Variants in MORC2 observed in about 807,000 individuals in gnomAD.
MORC2 encodes MORC family CW-type zinc finger 2, also known as ATPase MORC2.
In MORC2, 30 loss-of-function variants were observed where a neutral mutation model predicts 136.0. The ratio of observed to expected loss-of-function variants is 0.22; its 90% CI spans 0.17 to 0.30. MORC2 has a LOEUF of 0.30. Among genes scored for constraint, MORC2 ranks in the 10% least tolerant of loss-of-function variants. The pLI is 1.00. For synonymous variants in MORC2, 439 were observed against 487.0 expected (o/e 0.90, Z 1.30); for missense variants, 922 against 1,333.1 (o/e 0.69, Z 4.80).
intron 1 of MORC2, among the ~76,000 whole-genome samples, chr22:30,964,127 G>T (rs536359973): frequency 3.3e-5 from 5 of 152,296 alleles, no homozygotes; most frequent in Admixed American, 1.3e-4. Flanking sequence ...GGAGGCCGAG[G>T]CAGGCGGATG....
rs966797125 is a variant in MORC2, at chr22:30,925,710, A to G, written c.*1093T>C. The G allele has an allele frequency of 2.0e-5, 3 of 153,786 alleles. No individual in the cohort carries two copies. Among genetic ancestry groups the G allele is most frequent in the Non-Finnish European group, 4.4e-5 (3 of 68,062 alleles). 9.5% of individuals were successfully genotyped at this position (153,786 alleles called of 1,614,324 possible). A position where few individuals can be genotyped will look rare whatever the true frequency, so the allele number is the denominator to read the frequency against. On this transcript the variant is annotated 3_prime_UTR_variant, in exon 26 of 26. Transcript: ENST00000397641. ...ACCAGACTCTTCCAATGGCCATTAA[A>G]GAGAAAATTCAGCAACGCTTGCCTT...
chr22:30,936,736 A>G lies in MORC2; in HGVS notation c.1605-93T>C, dbSNP rs1283666108. On this transcript the variant is annotated intron_variant, in intron 16 of 25. Transcript: ENST00000397641. ...TCAGCCAGTCTACACTGTCTGTCACAAGAGCAACCACCTCAGAGTTCCCAA... is the reference window on the plus strand; with the variant it reads ...TCAGCCAGTCTACACTGTCTGTCACGAGAGCAACCACCTCAGAGTTCCCAA... The G allele has an allele frequency of 3.3e-6, 5 of 1,501,822 alleles. No homozygotes were observed. The Admixed American group carries it at 5.8e-5, about 17-fold the overall frequency. 93.0% of individuals were successfully genotyped at this position (1,501,822 alleles called of 1,614,324 possible).
chr22:30,929,625 G>T (rs144707059), intron 24 of MORC2, among the ~76,000 whole-genome samples: 1 of 152,132 alleles, frequency 6.6e-6, no homozygotes, highest in Non-Finnish European at 1.5e-5. Flanking sequence ...GCGGGTGCCT[G>T]TAGTCCCAGC....
Position 30,941,815 on chromosome 22 carries a change from CCT to C in MORC2, c.698+74_698+75del. 7.5e-7 allele frequency: 1 copy of C among 1,328,144 alleles called. No homozygotes were observed. The allele number at this position is 1,328,144 out of a possible 1,614,324, so 82.3% of individuals were successfully genotyped here. ...ACACTGGGCAATGAATGTGCTCTCCCCTCTTTCCCTGAAGCCATCTCCTGAGA... is the reference window on the plus strand; with the variant it reads ...ACACTGGGCAATGAATGTGCTCTCCCCTTTCCCTGAAGCCATCTCCTGAGA... On this transcript the variant is annotated intron_variant, in intron 8 of 25. Coordinates refer to ENST00000397641, the MANE Select transcript of MORC2 (RefSeq NM_001303256.3). The surrounding 1 kb of genome is among the most constrained non-coding windows in gnomAD (Gnocchi z 4.6).
At chr22:30,929,282 G>A (rs560823918) in intron 24 of MORC2, among the ~76,000 whole-genome samples, 1 of 152,252 alleles carries the variant, frequency 6.6e-6, no homozygotes, top group South Asian at 2.1e-4. Context: ...TTATTTTGAG[G>A]TAACTGTAGA....
At position 30,937,886 on chromosome 22, in the gene MORC2, G is replaced by C. The variant is rs1370510062; in HGVS notation, c.1298C>G (p.Ala433Gly). The change falls in exon 14 of 26, where the codon GCC (alanine) becomes GGC (glycine). Residue 433 changes from alanine (A) to glycine (G), a missense_variant. Around this residue, in one of 9 missense-constraint regions of MORC2, gnomAD observed 119 missense variants for 202.7 expected, o/e 0.59. Transcript: ENST00000397641. The surrounding 1 kb of genome is among the most constrained non-coding windows in gnomAD (Gnocchi z 4.7). Reference sequence around the variant, plus strand: ...TCGGAGCAGGTGCCGGTACTCCTTGGCATCAGCAAAGTCCTGTTTGTTGTG... The same window carrying C: ...TCGGAGCAGGTGCCGGTACTCCTTGCCATCAGCAAAGTCCTGTTTGTTGTG... Reference protein sequence around the residue: ...PTHNKQDFADAKEYRHLLRAM... With the variant: ...PTHNKQDFADGKEYRHLLRAM... 5.6e-6 allele frequency: 9 copies of C among 1,613,920 alleles called. No homozygotes were observed. Among genetic ancestry groups the C allele is most frequent in the Non-Finnish European group, 1.7e-6 (2 of 1,180,012 alleles).
intron 5 of MORC2, among the ~76,000 whole-genome samples, chr22:30,947,233 A>G (rs1220259748): frequency 1.3e-5 from 2 of 152,212 alleles, no homozygotes; most frequent in Non-Finnish European, 2.9e-5. Context: ...CTGTGCCTTG[A>G]GGCTGATTTC....
intron 1 of MORC2, among the ~76,000 whole-genome samples, chr22:30,960,603 T>G (rs1055362895): frequency 2.7e-5 from 4 of 149,016 alleles, no homozygotes; most frequent in Non-Finnish European, 6.0e-5. Flanking sequence ...ATTCTCCTGC[T>G]TCAGCCTCCT....
rs780764692 is a variant in MORC2 at position 30,936,663 on chromosome 22, C to A, written c.1605-20G>T. ...TCACACCTGTAGAGACAAGGTACTACAGAGGTCGTGGCAAACAGAGCGCCA... is the reference window on the plus strand; with the variant it reads ...TCACACCTGTAGAGACAAGGTACTAAAGAGGTCGTGGCAAACAGAGCGCCA... On this transcript the variant is annotated intron_variant, in intron 16 of 25. Transcript: ENST00000397641. 1 of 1,610,578 alleles carries A rather than the reference C, an allele frequency of 6.2e-7. No homozygotes were observed. Among genetic ancestry groups the A allele is most frequent in the South Asian group, 1.1e-5 (1 of 90,730 alleles).
chr22:30,964,082 G>A (rs2041089290), intron 1 of MORC2, among the ~76,000 whole-genome samples: 1 of 152,140 alleles, frequency 6.6e-6, no homozygotes, highest in African/African-American at 2.4e-5. Context: ...ATAGGGCTGG[G>A]TGCAGTGGCT....
At chr22:30,930,669 A>C (rs933474621) in intron 24 of MORC2, among the ~76,000 whole-genome samples, 6 of 152,214 alleles carry the variant, frequency 3.9e-5, no homozygotes, top group African/African-American at 1.2e-4. Flanking sequence ...CAACTGCCCC[A>C]CGAGGACCCG....
At chr22:30,943,731 G>T (rs2040774045) in intron 6 of MORC2, among the ~76,000 whole-genome samples, 1 of 152,096 alleles carries the variant, frequency 6.6e-6, no homozygotes. Context: ...ATTTTGCTGG[G>T]TTTTTTTATT....
At chr22:30,944,636 C>G (rs2040790674) in intron 6 of MORC2, among the ~76,000 whole-genome samples, 1 of 152,138 alleles carries the variant, frequency 6.6e-6, no homozygotes, top group Non-Finnish European at 1.5e-5. Flanking sequence ...GAAACTTACA[C>G]TCTTCCCCTC....
At chr22:30,942,738 C>T (rs1602492325) in intron 6 of MORC2, among the ~76,000 whole-genome samples, 1 of 152,110 alleles carries the variant, frequency 6.6e-6, no homozygotes, top group Non-Finnish European at 1.5e-5. Flanking sequence ...GGTGCAGTGG[C>T]TCATGTCTGT....
Position 30,934,226 on chromosome 22 carries a change from C to T in MORC2, c.2194-35G>A. ...GAGGAGCGTGAGGATGTGAGGGGCC[C>T]TGTTCAGCCTCTAAGGAGCAGGAAG... On this transcript the variant is annotated intron_variant, in intron 19 of 25. Coordinates refer to ENST00000397641, the MANE Select transcript of MORC2 (RefSeq NM_001303256.3). The surrounding 1 kb of genome is among the most constrained non-coding windows in gnomAD (Gnocchi z 4.4). 1 of 1,613,564 alleles carries T rather than the reference C, an allele frequency of 6.2e-7. No homozygotes were observed. The highest frequency in any genetic ancestry group is 8.5e-7 in the Non-Finnish European group (1 of 1,179,684).
At position 30,960,023 on chromosome 22, in the gene MORC2, G is replaced by A. The variant is rs575911598; in HGVS notation, c.69-1329C>T. ...GCTCTTGTCGCCCAGGCTGGAGTGC[G>A]ATGGCACAATCTTGGCTCACTGCAA... On this transcript the variant is annotated intron_variant, in intron 1 of 25. Transcript: ENST00000397641. Among the ~76,000 whole-genome samples, 5 of 152,068 alleles carry A rather than the reference G, an allele frequency of 3.3e-5. No homozygotes were observed. The East Asian group carries it at 7.7e-4, about 24-fold the overall frequency.
In MORC2 at chr22:30,925,414, G is replaced by A; in HGVS notation, c.*1389C>T. 1 of 175,830 alleles carries A rather than the reference G, an allele frequency of 5.7e-6. No individual in the cohort carries two copies. Among genetic ancestry groups the A allele is most frequent in the Non-Finnish European group, 1.2e-5 (1 of 82,022 alleles). The allele number at this position is 175,830 out of a possible 1,614,324, so 10.9% of individuals were successfully genotyped here. ...CTCCAAACAGGCCTCTCCTAGAGAT[G>A]TAGTCTGGGAAGGTCCAAAACCCAC... is the stretch of plus-strand genomic sequence containing the variant. On this transcript the variant is annotated 3_prime_UTR_variant, in exon 26 of 26. Transcript: ENST00000397641.
chr22:30,936,831 G>C, intron 16 of MORC2, 101 bp downstream of exon 16: 5 of 1,326,306 alleles, frequency 3.8e-6, no homozygotes, highest in Non-Finnish European at 5.3e-6. Flanking sequence ...TATTAGGTGT[G>C]GCAAGACAGA....
In MORC2 at chr22:30,935,245, C is replaced by T. The variant is rs775726151; in HGVS notation, c.1812+3G>A. ...AAGCCCTTCCCAGGCCCCTGGACTT[C>T]ACCTCAGTGGAAGGTCTGGTGGTCA... On this transcript the variant is annotated splice_donor_region_variant and intron_variant, in intron 18 of 25. Transcript: ENST00000397641. 2 of 1,613,396 alleles carry T rather than the reference C, an allele frequency of 1.2e-6. No individual in the cohort carries two copies. Among genetic ancestry groups the T allele is most frequent in the Admixed American group, 1.7e-5 (1 of 59,902 alleles).
Sources: gnomAD v4.1 joint callset for allele counts (sites outside exome capture counted in the v4.1 genomes callset) on GRCh38, gnomAD v4.1.1 for gene constraint, gnomAD v4.1.1 regional missense constraint, Gnocchi (gnomAD v3.1) non-coding constraint, MANE v1.5 for transcripts, NCBI Gene and HGNC (gene_info 2026-07-23, HGNC 2026-07-21) for gene names.